The following ZNF33A variants were observed in gnomAD, a reference collection of about 807,000 sequenced individuals.
The protein encoded by ZNF33A is brain my041 protein.
In ZNF33A, 9 loss-of-function variants were observed where a neutral mutation model predicts 15.9. The observed-to-expected ratio is 0.57, with a 90% CI of 0.34 to 0.99. The LOEUF (loss-of-function observed/expected upper bound fraction) is 0.99, where lower values mean the gene tolerates loss of function less well. Ranked by LOEUF, ZNF33A falls within the 50% of genes least tolerant of loss-of-function variation. The pLI, the probability that ZNF33A is intolerant of heterozygous loss-of-function variation, is 0.02. For synonymous variants in ZNF33A, 294 were observed against 324.2 expected, an observed-to-expected ratio of 0.91 and a Z score of 1.00; for missense variants, 843 against 941.6, an observed-to-expected ratio of 0.90 and a Z score of 1.37.
chr10:38,047,190 C>CAAAAAAAAAAAAAAAAA (rs61278605), intron 4 of ZNF33A, among the ~76,000 whole-genome samples: 1 of 64,024 alleles, frequency 1.6e-5, no homozygotes, highest in Non-Finnish European at 2.6e-5. Context: ...CCACCCCTGC[C>CAAAAAAAAAAAAAAAAA]AAAAAAAAAA....
chr10:38,038,768 T>A (rs985326076), intron 4 of ZNF33A, among the ~76,000 whole-genome samples: 9 of 152,186 alleles, frequency 5.9e-5, no homozygotes, highest in Non-Finnish European at 1.3e-4. Context: ...TATTCCTGGT[T>A]TGCTGATTGT....
At chr10:38,019,755 A>G (rs567914445) in intron 4 of ZNF33A, among the ~76,000 whole-genome samples, 141 of 152,360 alleles carry the variant, frequency 9.3e-4, no homozygotes, top group African/African-American at 3.2e-3. Flanking sequence ...TAGAATGGAA[A>G]TAACACAAGA....
At chr10:38,011,025 C>T (rs2064152708) in intron 1 of ZNF33A, among the ~76,000 whole-genome samples, 1 of 152,134 alleles carries the variant, frequency 6.6e-6, no homozygotes, top group African/African-American at 2.4e-5. Context: ...CGGAGGAGGG[C>T]ATGTGCGCTT....
chr10:38,012,266 T>C, intron 1 of ZNF33A, 32 bp from the exon 2 acceptor site: 1 of 1,604,890 alleles, frequency 6.2e-7, no homozygotes, highest in Non-Finnish European at 8.5e-7. Context: ...GGCCAAATCT[T>C]TCATGACCCC....
chr10:38,016,897 A>G lies in ZNF33A; in HGVS notation c.36A>G (p.Val12=). The change falls in exon 3 of 5, where the codon GTA becomes GTG. Residue 12 remains valine, a synonymous_variant. Coordinates refer to ENST00000432900, the MANE Select transcript of ZNF33A (RefSeq NM_006954.2). The stretch of plus-strand genomic sequence containing the variant: ...TAGAACAGAAGTCCCAGGAGTCAGT[A>G]TCATTTAAAGATGTGACTGTGGGCT... ...NKVEQKSQES[V]SFKDVTVGFT... 6.2e-7 allele frequency: 1 copy of G among 1,614,014 alleles called. No homozygotes were observed. Among genetic ancestry groups the G allele is most frequent in the South Asian group, 1.1e-5 (1 of 91,054 alleles).
downstream of ZNF33A, among the ~76,000 whole-genome samples, chr10:38,065,416 A>G (rs1233563859): frequency 2.0e-5 from 3 of 152,154 alleles, no homozygotes; most frequent in Admixed American, 6.6e-5. Context: ...TGGGGACTTG[A>G]TAACTCACGA....
intron 4 of ZNF33A, among the ~76,000 whole-genome samples, chr10:38,037,397 C>T (rs765687485): frequency 6.6e-6 from 1 of 151,302 alleles, no homozygotes; most frequent in Non-Finnish European, 1.5e-5. Context: ...GATCTTGGCT[C>T]ACTGCAACCT....
At chr10:38,025,465 G>C (rs2064940625) in intron 4 of ZNF33A, among the ~76,000 whole-genome samples, 2 of 152,184 alleles carry the variant, frequency 1.3e-5, no homozygotes, top group African/African-American at 4.8e-5. Context: ...TGAGGTTAGT[G>C]CCTTACAGGA....
chr10:38,017,286 A>G lies in ZNF33A; in HGVS notation c.155-5A>G. On this transcript the variant is annotated splice_region_variant and splice_polypyrimidine_tract_variant and intron_variant, in intron 3 of 4. Coordinates refer to ENST00000432900, the MANE Select transcript of ZNF33A (RefSeq NM_006954.2). ...TCCAAATCCTAAATTATTTCCTGTT[A>G]ACAGGGTATTGTGTTCACAAACCAG... 1 of 1,612,852 alleles carries G rather than the reference A, an allele frequency of 6.2e-7. No homozygotes were observed. The highest frequency in any genetic ancestry group is 1.3e-5 in the African/African-American group (1 of 74,964).
At chr10:38,022,514 TG>T (rs1360035811) in intron 4 of ZNF33A, among the ~76,000 whole-genome samples, 6 of 151,762 alleles carry the variant, frequency 4.0e-5, no homozygotes, top group African/African-American at 1.5e-4. Flanking sequence ...AAAATTAGTC[TG>T]GTGTGGTGGT....
At chr10:38,023,252 A>G (rs2064836591) in intron 4 of ZNF33A, among the ~76,000 whole-genome samples, 1 of 152,194 alleles carries the variant, frequency 6.6e-6, no homozygotes, top group Non-Finnish European at 1.5e-5. Flanking sequence ...CCAAGAGGGA[A>G]CATTTCTTAA....
In ZNF33A at chr10:38,055,774, G is replaced by A. The variant is rs193044321; in HGVS notation, c.1650G>A (p.Gln550=). 2,384 of 1,584,546 alleles carry A rather than the reference G, an allele frequency of 1.5e-3. 38 individuals are homozygous for A. Among genetic ancestry groups the A allele is most frequent in the Non-Finnish European group, 3.0e-4 (351 of 1,161,088 alleles). Residue 550 remains glutamine, a synonymous_variant, in exon 5 of 5, where the codon CAG becomes CAA. Transcript: ENST00000432900. ...LTVHQRTHTG[Q]KPFACPECGK... is the part of the protein sequence containing the mutation. ...TACATCAGAGAACACACACAGGGCA[G>A]AAACCCTTTGCATGTCCCGAATGTG...
chr10:38,058,010 A>G lies in ZNF33A; in HGVS notation c.*1450A>G. 2.0e-6 allele frequency: 2 copies of G among 984,352 alleles called. No homozygotes were observed. The highest frequency in any genetic ancestry group is 2.4e-6 in the Non-Finnish European group (2 of 828,944). 61.0% of individuals were successfully genotyped at this position (984,352 alleles called of 1,614,324 possible). ...TGATAGTGTGAAGATTGTACACTAT[A>G]TTACATGATCAGATCATACAAATAA... On this transcript the variant is annotated 3_prime_UTR_variant, in exon 5 of 5. Coordinates refer to ENST00000432900, the MANE Select transcript of ZNF33A (RefSeq NM_006954.2).
At chr10:38,015,300 A>G (rs1325573232) in intron 2 of ZNF33A, among the ~76,000 whole-genome samples, 1 of 151,146 alleles carries the variant, frequency 6.6e-6, no homozygotes, top group Admixed American at 6.6e-5. Flanking sequence ...CTTGATCTTC[A>G]TATTATGCTT....
intron 4 of ZNF33A, among the ~76,000 whole-genome samples, chr10:38,031,427 A>G (rs2065203213): frequency 6.6e-6 from 1 of 151,900 alleles, no homozygotes; most frequent in Admixed American, 6.6e-5. Context: ...GACATTAGCC[A>G]GGTGTGGTGG....
downstream of ZNF33A, among the ~76,000 whole-genome samples, chr10:38,062,582 G>A (rs2505224): frequency 6.6e-6 from 1 of 152,186 alleles, no homozygotes; most frequent in African/African-American, 2.4e-5. Context: ...TTGGGAGAGA[G>A]ATTTGTAATA....
rs1183390687 is a variant in ZNF33A, at chr10:38,055,149, C to T, written c.1025C>T (p.Ser342Leu). ...NECGKAFWEK[S>L]HLTRHQRVHT... is the part of the protein sequence containing the mutation. ...TGTGGGAAAGCTTTCTGGGAGAAGT[C>T]ACATCTCACTCGACATCAGAGGGTG... is the stretch of plus-strand genomic sequence containing the variant. Residue 342 changes from serine (S) to leucine (L), a missense_variant, in exon 5 of 5, where the codon TCA becomes TTA. Coordinates refer to ENST00000432900, the MANE Select transcript of ZNF33A (RefSeq NM_006954.2). 6.2e-7 allele frequency: 1 copy of T among 1,613,938 alleles called. No homozygotes were observed. The highest frequency in any genetic ancestry group is 8.5e-7 in the Non-Finnish European group (1 of 1,179,974).
intron 1 of ZNF33A, 76 bp from the exon 2 acceptor site, chr10:38,012,222 T>C: frequency 6.6e-7 from 1 of 1,504,570 alleles, no homozygotes; most frequent in Non-Finnish European, 9.1e-7. Context: ...GTGTATGGCT[T>C]CTTAGGGCGG....
At chr10:38,025,828 C>T (rs2064963178) in intron 4 of ZNF33A, among the ~76,000 whole-genome samples, 1 of 152,160 alleles carries the variant, frequency 6.6e-6, no homozygotes, top group Admixed American at 6.6e-5. Flanking sequence ...TTTAACAGTC[C>T]AGTGGCATTA....
Sources: gnomAD v4.1 joint callset for allele counts (sites outside exome capture counted in the v4.1 genomes callset) on GRCh38, gnomAD v4.1.1 for gene constraint, MANE v1.5 for transcripts, NCBI Gene and HGNC (gene_info 2026-07-23, HGNC 2026-07-21) for gene names.